Variants in KALRN observed in about 807,000 individuals in gnomAD.
KALRN encodes the protein kalirin.
A neutral mutation model predicts 353.7 loss-of-function variants in KALRN; 70 were observed. That is an observed-to-expected ratio of 0.20 (90% confidence interval 0.16 to 0.24). The LOEUF (loss-of-function observed/expected upper bound fraction) is 0.24, where lower values mean the gene tolerates loss of function less well. Ranked by LOEUF, KALRN falls within the 10% of genes least tolerant of loss-of-function variation. The pLI is 1.00. For missense variants in KALRN, 2,791 were observed against 3,756.7 expected, an observed-to-expected ratio of 0.74 and a Z score of 6.72; for synonymous variants, 1,391 against 1,434.8, an observed-to-expected ratio of 0.97 and a Z score of 0.69.
intron 5 of KALRN, among the ~76,000 whole-genome samples, chr3:124,285,807 A>T (rs192663066): frequency 1.3e-5 from 2 of 152,278 alleles, no homozygotes; most frequent in Middle Eastern, 3.4e-3. Context: ...AAGTGCTGGG[A>T]TTACAGGCGT....
At chr3:124,709,446 T>G (rs2062789772) in intron 57 of KALRN, among the ~76,000 whole-genome samples, 1 of 152,078 alleles carries the variant, frequency 6.6e-6, no homozygotes, top group African/African-American at 2.4e-5. Flanking sequence ...CCTGGCTAAT[T>G]TTTGTATATT....
chr3:124,218,986 G>A (rs1466089239), intron 1 of KALRN, among the ~76,000 whole-genome samples: 1 of 152,160 alleles, frequency 6.6e-6, no homozygotes, highest in East Asian at 1.9e-4. Context: ...TATTGAAATT[G>A]GCCTCAATTA....
At position 124,725,234 on chromosome 3, in the gene KALRN, A is replaced by G. The variant is rs2063405064; in HGVS notation, c.*5764A>G. The G allele has an allele frequency of 6.6e-6, 1 of 152,132 alleles. No individual in the cohort carries two copies. The highest frequency in any genetic ancestry group is 6.5e-5 in the Admixed American group (1 of 15,268). The allele number at this position is 152,132 out of a possible 1,614,324, so 9.4% of individuals were successfully genotyped here. On this transcript the variant is annotated 3_prime_UTR_variant, in exon 60 of 60. Coordinates refer to ENST00000682506, the MANE Select transcript of KALRN (RefSeq NM_001388419.1). ...CGAATCTGAAGTTAACAAGACATAC[A>G]TCTTCTCTTACTAACTTAAGCCATA...
At chr3:124,290,825 C>A (rs569073234) in intron 5 of KALRN, among the ~76,000 whole-genome samples, 1 of 152,056 alleles carries the variant, frequency 6.6e-6, no homozygotes, top group Non-Finnish European at 1.5e-5. Context: ...TTGTTGGAAT[C>A]GTCATAACTG....
At chr3:124,144,822 C>T (rs557051155) in intron 1 of KALRN, among the ~76,000 whole-genome samples, 1 of 152,260 alleles carries the variant, frequency 6.6e-6, no homozygotes, top group East Asian at 1.9e-4. Flanking sequence ...GTCTGGAAGT[C>T]TGTAGTTTGA....
chr3:124,361,896 T>C (rs1838669), intron 10 of KALRN, among the ~76,000 whole-genome samples: 46,965 of 149,554 alleles, frequency 0.31, 8,498 homozygotes, highest in Middle Eastern at 0.49. Context: ...TTCAGAACAG[T>C]AACATTTGTA....
chr3:124,570,165 G>T (rs748701313), intron 34 of KALRN, among the ~76,000 whole-genome samples: 23 of 152,158 alleles, frequency 1.5e-4, no homozygotes, highest in Admixed American at 2.6e-4. Flanking sequence ...CTACCCTCAG[G>T]TTTTTCATTT....
intron 1 of KALRN, among the ~76,000 whole-genome samples, chr3:124,047,892 A>T (rs1490476496): frequency 6.6e-6 from 1 of 152,190 alleles, no homozygotes; most frequent in Non-Finnish European, 1.5e-5. Context: ...GTGATGAAAT[A>T]TAAAGGATAG....
chr3:124,645,831 A>T (rs558663808), intron 37 of KALRN, among the ~76,000 whole-genome samples: 1 of 152,204 alleles, frequency 6.6e-6, no homozygotes, highest in Admixed American at 6.5e-5. Flanking sequence ...AAGAGGGATT[A>T]TTGGGTCATA....
At chr3:124,053,628 A>C (rs185112730) in intron 1 of KALRN, among the ~76,000 whole-genome samples, 1 of 152,172 alleles carries the variant, frequency 6.6e-6, no homozygotes, top group African/African-American at 2.4e-5. Flanking sequence ...TTAAAAAAAA[A>C]CCCAGAGTGA....
At position 124,455,378 on chromosome 3, in the gene KALRN, C is replaced by G; in HGVS notation, c.3735+19C>G. The G allele has an allele frequency of 6.2e-7, 1 of 1,607,328 alleles. No homozygotes were observed. ...CACAGAGGTAGGCAGGGGTATTGTC[C>G]TCTGGGACATCCTCCCTTCTCATCT... On this transcript the variant is annotated intron_variant, in intron 22 of 59. Transcript: ENST00000682506.
intron 33 of KALRN, among the ~76,000 whole-genome samples, chr3:124,539,275 C>T (rs558359749): frequency 2.0e-5 from 3 of 152,212 alleles, no homozygotes; most frequent in Non-Finnish European, 2.9e-5. Context: ...CCCACATGCA[C>T]TTAGGCTTTC....
At chr3:124,444,807 AAAAAAG>A (rs1439904539) in intron 19 of KALRN, among the ~76,000 whole-genome samples, 93 of 151,808 alleles carry the variant, frequency 6.1e-4, no homozygotes, top group African/African-American at 2.2e-3. Flanking sequence ...CAAAAAAAAA[AAAAAAG>A]AACAAGAAAA....
chr3:124,611,175 T>G (rs563425647), intron 34 of KALRN, among the ~76,000 whole-genome samples: 1 of 152,306 alleles, frequency 6.6e-6, no homozygotes, highest in Non-Finnish European at 1.5e-5. Flanking sequence ...GGCAGCCTTT[T>G]AGTAATGACC....
chr3:124,190,751 G>A (rs551250087), intron 1 of KALRN, among the ~76,000 whole-genome samples: 1 of 152,318 alleles, frequency 6.6e-6, no homozygotes, highest in African/African-American at 2.4e-5. Context: ...AACAAACCAT[G>A]CAACACAGAA....
intron 1 of KALRN, among the ~76,000 whole-genome samples, chr3:124,127,915 C>A (rs139255886): frequency 6.6e-6 from 1 of 152,062 alleles, no homozygotes; most frequent in Non-Finnish European, 1.5e-5. Context: ...ATCCATGTCT[C>A]CTTATTTTTT....
intron 33 of KALRN, chr3:124,519,629 T>A (rs763364628): frequency 2.0e-6 from 2 of 985,420 alleles, no homozygotes; most frequent in Non-Finnish European, 2.4e-6. Flanking sequence ...ATTGTGAGGA[T>A]GTGACTTGTT....
chr3:124,411,096 A>T (rs1189688131), intron 13 of KALRN, among the ~76,000 whole-genome samples: 1 of 152,026 alleles, frequency 6.6e-6, no homozygotes, highest in Non-Finnish European at 1.5e-5. Flanking sequence ...CAGATGTTTA[A>T]AAAAAAATTC....
At chr3:124,656,484 G>T (rs1035040616) in intron 39 of KALRN, among the ~76,000 whole-genome samples, 3 of 152,122 alleles carry the variant, frequency 2.0e-5, no homozygotes, top group Non-Finnish European at 2.9e-5. Flanking sequence ...GGTGGTGGGC[G>T]CCTGTAGTCC....
Sources: allele counts gnomAD v4.1 joint callset (sites outside exome capture counted in the v4.1 genomes callset), GRCh38; gene constraint gnomAD v4.1.1; transcripts MANE v1.5; gene names NCBI Gene and HGNC (gene_info 2026-07-23, HGNC 2026-07-21).